The following NLGN4X variants were observed in gnomAD, a reference collection of about 807,000 sequenced individuals.
NLGN4X encodes the protein neuroligin 4 X-linked.
NLGN4X carries 3 observed loss-of-function variants against 40.3 expected under a neutral mutation model. The observed-to-expected ratio is 0.07, with a 90% CI of 0.03 to 0.19. NLGN4X has a LOEUF of 0.19. Ranked by LOEUF, NLGN4X falls within the 10% of genes least tolerant of loss-of-function variation. NLGN4X has a pLI of 1.00. For synonymous variants in NLGN4X, 270 were observed against 306.8 expected (o/e 0.88, Z 1.25); for missense variants, 382 against 708.3 (o/e 0.54, Z 5.23).
In NLGN4X at chrX:5,900,560, C is replaced by CT. The variant is rs1163973694; in HGVS notation, c.1601+2516dup. ...GTTATAAGACACACCGTTTTTGGTG[C>CT]TTTTTTTTTTTTTTTTTTTTTTTTT... On this transcript the variant is annotated intron_variant, in intron 5 of 5. Coordinates refer to ENST00000381095, the MANE Select transcript of NLGN4X (RefSeq NM_181332.3). Among the ~76,000 whole-genome samples, 156 of 45,586 alleles carry CT rather than the reference C, an allele frequency of 3.4e-3. 18 individuals are homozygous for CT. Among genetic ancestry groups the CT allele is most frequent in the African/African-American group, 7.8e-3 (92 of 11,778 alleles). The allele number at this position is 45,586 out of a possible 115,157, so 39.6% of individuals were successfully genotyped here.
At chrX:5,900,385 T>C (rs142764647) in intron 5 of NLGN4X, among the ~76,000 whole-genome samples, 162 of 108,887 alleles carry the variant, frequency 1.5e-3, no homozygotes, top group African/African-American at 5.0e-3. Flanking sequence ...ACCTGCAAGG[T>C]AGGAATGCCA....
intron 3 of NLGN4X, among the ~76,000 whole-genome samples, chrX:5,925,893 T>TATATATATATACATACAC (rs1569134548): frequency 2.1e-4 from 3 of 14,156 alleles, no homozygotes; most frequent in African/African-American, 2.1e-3. Context: ...TATATATATA[T>TATATATATATACATACAC]ATATATATAT....
chrX:5,933,764 T>G (rs1363433368), intron 3 of NLGN4X, among the ~76,000 whole-genome samples: 1 of 111,370 alleles, frequency 9.0e-6, no homozygotes, highest in Non-Finnish European at 1.9e-5. Context: ...TCGGTAAAAT[T>G]AACGTTCAAC....
At chrX:5,923,030 G>A (rs2033135264) in intron 3 of NLGN4X, among the ~76,000 whole-genome samples, 1 of 111,840 alleles carries the variant, frequency 8.9e-6, no homozygotes, top group African/African-American at 3.3e-5. Flanking sequence ...TCACAATGTG[G>A]TATAATTATC....
chrX:5,921,391 C>CAG (rs56879029), intron 3 of NLGN4X, among the ~76,000 whole-genome samples: 3,830 of 53,017 alleles, frequency 0.072, 175 homozygotes, highest in Admixed American at 0.12. Context: ...GAAAATGAAC[C>CAG]AGAGAGAGAG....
intron 3 of NLGN4X, among the ~76,000 whole-genome samples, chrX:6,004,846 CT>C (rs1285474167): frequency 8.9e-6 from 1 of 111,921 alleles, no homozygotes; most frequent in Non-Finnish European, 1.9e-5. Flanking sequence ...GTAATTTGCT[CT>C]GCAGACTGTA....
intron 1 of NLGN4X, among the ~76,000 whole-genome samples, chrX:6,208,159 T>G (rs994281177): frequency 8.9e-6 from 1 of 112,206 alleles, no homozygotes; most frequent in Non-Finnish European, 1.9e-5. Flanking sequence ...CTCATCAATG[T>G]GTTCATATCT....
intron 2 of NLGN4X, among the ~76,000 whole-genome samples, chrX:6,044,747 T>C (rs139471676): frequency 0.011 from 1,244 of 111,617 alleles, 16 homozygotes; most frequent in African/African-American, 0.037. Flanking sequence ...GGGAAGACCG[T>C]CCATGTATGG....
chrX:6,009,837 G>A (rs1390044559), intron 3 of NLGN4X, among the ~76,000 whole-genome samples: 1 of 112,367 alleles, frequency 8.9e-6, no homozygotes, highest in East Asian at 2.8e-4. Flanking sequence ...AACACAGGGG[G>A]CCCCTGTTTC....
At chrX:5,962,946 C>G (rs1306101114) in intron 3 of NLGN4X, among the ~76,000 whole-genome samples, 1 of 102,542 alleles carries the variant, frequency 9.8e-6, no homozygotes, top group Non-Finnish European at 2.0e-5. Context: ...CACCCCCACC[C>G]CCAGACTATG....
intron 3 of NLGN4X, among the ~76,000 whole-genome samples, chrX:5,996,208 T>A (rs1212576874): frequency 1.8e-5 from 2 of 112,147 alleles, no homozygotes; most frequent in Non-Finnish European, 3.8e-5. Context: ...GAGATCACAA[T>A]GCAATCAGTC....
Position 5,893,217 on chromosome X carries a change from G to A in NLGN4X, c.2051C>T (p.Ser684Leu). The change falls in exon 6 of 6, where the codon TCG becomes TTG. Residue 684 changes from serine to leucine, a missense_variant. Physicochemically the swap from Ser to Leu is moderately radical, Grantham distance 145. Around this residue, in one of 5 missense-constraint regions of NLGN4X, gnomAD observed 149 missense variants for 375.8 expected, o/e 0.40. Transcript: ENST00000381095. ...AGCTAAGATGTTGAGGAAGAGGAGC[G>A]ACGCCCCGACGGCAATGGTGACACT... ...ELSVTIAVGA[S>L]LLFLNILAFA... 8.3e-7 allele frequency: 1 copy of A among 1,211,150 alleles called. No homozygotes were observed. The highest frequency in any genetic ancestry group is 1.1e-6 in the Non-Finnish European group (1 of 895,343).
At chrX:6,017,626 T>G (rs1748873590) in intron 3 of NLGN4X, among the ~76,000 whole-genome samples, 1 of 111,891 alleles carries the variant, frequency 8.9e-6, no homozygotes, top group Admixed American at 9.5e-5. Flanking sequence ...TGATTTATGA[T>G]TTTTGATCTT....
chrX:6,094,212 T>C (rs1267946685), intron 2 of NLGN4X, among the ~76,000 whole-genome samples: 2 of 111,354 alleles, frequency 1.8e-5, no homozygotes, highest in Admixed American at 9.6e-5. Flanking sequence ...AAGCCATAAA[T>C]ACTGACATCA....
chrX:6,159,321 G>T (rs2040337935), intron 1 of NLGN4X, among the ~76,000 whole-genome samples: 2 of 111,580 alleles, frequency 1.8e-5, no homozygotes, highest in Admixed American at 1.9e-4. Context: ...TTGTCTGTCA[G>T]TGGGTACAAT....
rs1371689000 is a variant in NLGN4X, at chrX:5,890,652, T to C, written c.*2165A>G. The C allele has an allele frequency of 2.5e-5, 8 of 323,655 alleles. No individual in the cohort carries two copies. Among genetic ancestry groups the C allele is most frequent in the African/African-American group, 1.1e-4 (4 of 37,416 alleles). 26.7% of individuals were successfully genotyped at this position (323,655 alleles called of 1,213,427 possible). A position where few individuals can be genotyped will look rare whatever the true frequency, so the allele number is the denominator to read the frequency against. On this transcript the variant is annotated 3_prime_UTR_variant, in exon 6 of 6. Coordinates refer to ENST00000381095, the MANE Select transcript of NLGN4X (RefSeq NM_181332.3). ...CAGAAATGGCCTGATCATAGCTCTATGAAACAATGAATTCGGAATGAAATC... is the reference window on the plus strand; with the variant it reads ...CAGAAATGGCCTGATCATAGCTCTACGAAACAATGAATTCGGAATGAAATC...
At chrX:6,082,948 G>GGTTTTT (rs2038390927) in intron 2 of NLGN4X, among the ~76,000 whole-genome samples, 3 of 70,377 alleles carry the variant, frequency 4.3e-5, no homozygotes, top group African/African-American at 1.5e-4. Context: ...GCCATGATGC[G>GGTTTTT]TTTTTTTCTT....
intron 3 of NLGN4X, among the ~76,000 whole-genome samples, chrX:5,912,873 GAGGA>G (rs774187295): frequency 1.2e-3 from 92 of 73,704 alleles, no homozygotes; most frequent in East Asian, 6.5e-3. Flanking sequence ...GAGCAGGAGG[GAGGA>G]AGGAAGGAAG....
At chrX:5,984,448 CAA>C (rs755189383) in intron 3 of NLGN4X, among the ~76,000 whole-genome samples, 23 of 105,617 alleles carry the variant, frequency 2.2e-4, no homozygotes, top group Non-Finnish European at 5.7e-5. Context: ...AGAGTGAAAA[CAA>C]GAGAAACAGC....
Sources: allele counts gnomAD v4.1 joint callset (sites outside exome capture counted in the v4.1 genomes callset), GRCh38; gene constraint gnomAD v4.1.1; regional missense constraint gnomAD v4.1.1; transcripts MANE v1.5; gene names NCBI Gene and HGNC (gene_info 2026-07-23, HGNC 2026-07-21).